The following ADAMTSL3 variants were observed in gnomAD, a reference collection of about 807,000 sequenced individuals.
The protein encoded by ADAMTSL3 is ADAMTS like 3.
In ADAMTSL3, 128 loss-of-function variants were observed where a neutral mutation model predicts 201.7. That is an observed-to-expected ratio of 0.63 (90% CI 0.55 to 0.73). The LOEUF is 0.73. Ranked by LOEUF, ADAMTSL3 falls within the 30% of genes least tolerant of loss-of-function variation. The probability of loss-of-function intolerance (pLI) is 0.00; values close to 1 mark genes in which losing one functional copy is unlikely to be tolerated. For synonymous variants in ADAMTSL3, 738 were observed against 748.4 expected, an observed-to-expected ratio of 0.99 and a Z score of 0.23; for missense variants, 1,990 against 2,119.6, an observed-to-expected ratio of 0.94 and a Z score of 1.20.
In ADAMTSL3 at chr15:84,038,045, G is replaced by A. The variant is rs2068542706; in HGVS notation, c.*239G>A. On this transcript the variant is annotated 3_prime_UTR_variant, in exon 30 of 30. Transcript: ENST00000286744. ...ATGAACAAAATACTATAGCATGCATGCCACTGCACTTGGGACCTCATCATG... is the reference window on the plus strand; with the variant it reads ...ATGAACAAAATACTATAGCATGCATACCACTGCACTTGGGACCTCATCATG... 3.9e-6 allele frequency: 2 copies of A among 511,412 alleles called. No homozygotes were observed. The highest frequency in any genetic ancestry group is 6.6e-6 in the Non-Finnish European group (2 of 303,516). 31.7% of individuals were successfully genotyped at this position (511,412 alleles called of 1,614,324 possible). A position where few individuals can be genotyped will look rare whatever the true frequency, so the allele number is the denominator to read the frequency against.
At chr15:83,865,645 A>G (rs2064959743) in intron 8 of ADAMTSL3, among the ~76,000 whole-genome samples, 1 of 152,252 alleles carries the variant, frequency 6.6e-6, no homozygotes, top group African/African-American at 2.4e-5. Context: ...TGTTTGACCT[A>G]AAACCATAAA....
intron 7 of ADAMTSL3, among the ~76,000 whole-genome samples, chr15:83,855,906 G>C (rs1270987808): frequency 1.3e-5 from 2 of 152,024 alleles, no homozygotes; most frequent in African/African-American, 4.8e-5. Flanking sequence ...AGCTACTCAG[G>C]AGGCTGAGTT....
chr15:83,907,160 G>A (rs2065853900), intron 15 of ADAMTSL3, among the ~76,000 whole-genome samples: 1 of 150,086 alleles, frequency 6.7e-6, no homozygotes, highest in Non-Finnish European at 1.5e-5. Context: ...CATTTAAATA[G>A]ATTTTTTATT....
At chr15:83,775,948 C>T (rs145697400) in intron 4 of ADAMTSL3, among the ~76,000 whole-genome samples, 3 of 152,282 alleles carry the variant, frequency 2.0e-5, no homozygotes, top group East Asian at 1.9e-4. Flanking sequence ...CACTCATGCA[C>T]GTGCCCACAT....
intron 17 of ADAMTSL3, among the ~76,000 whole-genome samples, chr15:83,934,501 G>C (rs1436581907): frequency 6.6e-6 from 1 of 152,180 alleles, no homozygotes; most frequent in Middle Eastern, 3.2e-3. Flanking sequence ...TTTGGACTTG[G>C]ACTTTTAGGC....
chr15:83,878,628 G>A (rs2141848672), intron 9 of ADAMTSL3, among the ~76,000 whole-genome samples: 1 of 151,260 alleles, frequency 6.6e-6, no homozygotes, highest in East Asian at 1.9e-4. Context: ...AAAAAAAATA[G>A]AATTCATTGT....
chr15:83,980,145 CATGGTCAGAAAT>C (rs1490229020), intron 20 of ADAMTSL3, among the ~76,000 whole-genome samples: 1 of 152,068 alleles, frequency 6.6e-6, no homozygotes. Flanking sequence ...CCAGTATGGA[CATGGTCAGAAAT>C]ATGGTCAGAA....
intron 4 of ADAMTSL3, among the ~76,000 whole-genome samples, chr15:83,775,281 G>A (rs2063053194): frequency 6.6e-6 from 1 of 151,872 alleles, no homozygotes; most frequent in South Asian, 2.1e-4. Context: ...TCAGAAGTCT[G>A]AATAATTTGC....
At chr15:83,867,011 C>T (rs1489203354) in intron 8 of ADAMTSL3, among the ~76,000 whole-genome samples, 2 of 152,162 alleles carry the variant, frequency 1.3e-5, no homozygotes, top group Non-Finnish European at 2.9e-5. Flanking sequence ...GAACTGGCTT[C>T]ATTTACTAAG....
intron 2 of ADAMTSL3, among the ~76,000 whole-genome samples, chr15:83,699,787 C>G (rs2061742740): frequency 6.6e-6 from 1 of 152,148 alleles, no homozygotes; most frequent in South Asian, 2.1e-4. Context: ...GCCGGTAATA[C>G]TCATCCTTAG....
intron 23 of ADAMTSL3, among the ~76,000 whole-genome samples, chr15:84,001,369 C>A (rs1351809634): frequency 6.6e-6 from 1 of 152,134 alleles, no homozygotes; most frequent in Admixed American, 6.5e-5. Context: ...AGCTCATCAT[C>A]AAAAATAACA....
chr15:83,926,668 C>T (rs1286251026), intron 17 of ADAMTSL3, among the ~76,000 whole-genome samples: 1 of 149,122 alleles, frequency 6.7e-6, no homozygotes, highest in Non-Finnish European at 1.5e-5. Flanking sequence ...GGCTGGAGTG[C>T]AATGGCACAA....
At chr15:83,932,500 G>T (rs568181574) in intron 17 of ADAMTSL3, among the ~76,000 whole-genome samples, 15 of 152,236 alleles carry the variant, frequency 9.9e-5, no homozygotes, top group African/African-American at 3.4e-4. Context: ...TACAAAGCCA[G>T]GGTCTACCTC....
At chr15:83,924,568 ATCT>A (rs916098169) in intron 17 of ADAMTSL3, among the ~76,000 whole-genome samples, 1 of 152,158 alleles carries the variant, frequency 6.6e-6, no homozygotes, top group Non-Finnish European at 1.5e-5. Context: ...GGTGAGGGTG[ATCT>A]TCTTGATCTC....
intron 4 of ADAMTSL3, among the ~76,000 whole-genome samples, chr15:83,801,190 A>T (rs1483707221): frequency 6.6e-6 from 1 of 152,174 alleles, no homozygotes; most frequent in Non-Finnish European, 1.5e-5. Context: ...GACATGGCCA[A>T]CCCATTGTGA....
chr15:83,810,949 G>T (rs1328304560), intron 5 of ADAMTSL3, among the ~76,000 whole-genome samples: 1 of 152,102 alleles, frequency 6.6e-6, no homozygotes, highest in Non-Finnish European at 1.5e-5. Flanking sequence ...ATATTGGCCA[G>T]GCTGGTCTTG....
At chr15:83,866,905 T>G (rs1221736098) in intron 8 of ADAMTSL3, among the ~76,000 whole-genome samples, 6 of 152,096 alleles carry the variant, frequency 3.9e-5, no homozygotes, top group Admixed American at 3.9e-4. Flanking sequence ...TCTCCAAGAG[T>G]GACAAATCTG....
At chr15:83,853,912 CTA>C (rs1399512007) in intron 7 of ADAMTSL3, among the ~76,000 whole-genome samples, 7 of 57,062 alleles carry the variant, frequency 1.2e-4, no homozygotes, top group Non-Finnish European at 2.5e-4. Context: ...CTATCTCTAT[CTA>C]TCTATCTATC....
intron 3 of ADAMTSL3, among the ~76,000 whole-genome samples, chr15:83,751,900 G>A (rs1185256225): frequency 6.6e-6 from 1 of 152,102 alleles, no homozygotes; most frequent in East Asian, 1.9e-4. Flanking sequence ...AGAATAGATT[G>A]CTGTTTGACA....
Sources: allele counts gnomAD v4.1 joint callset (sites outside exome capture counted in the v4.1 genomes callset), GRCh38; gene constraint gnomAD v4.1.1; transcripts MANE v1.5; gene names NCBI Gene and HGNC (gene_info 2026-07-23, HGNC 2026-07-21).